TANGO6: variants seen among roughly 807,000 people sequenced by gnomAD.
TANGO6 encodes transport and Golgi organization protein 6 homolog.
TANGO6 carries 90 observed loss-of-function variants against 114.2 expected under a neutral mutation model. The observed-to-expected ratio is 0.79, with a 90% CI of 0.66 to 0.94. The LOEUF (loss-of-function observed/expected upper bound fraction) is 0.94. TANGO6 is among the 40% of genes least tolerant of loss of function. TANGO6 has a pLI of 0.00. For missense variants in TANGO6, 1,274 were observed against 1,315.3 expected (o/e 0.97, Z 0.49); for synonymous variants, 477 against 509.8 (o/e 0.94, Z 0.87).
intron 15 of TANGO6, among the ~76,000 whole-genome samples, chr16:69,006,225 GC>G (rs1358915927): frequency 6.6e-6 from 1 of 152,106 alleles, no homozygotes; most frequent in African/African-American, 2.4e-5. Context: ...TTTGAGGGGA[GC>G]AAGGATTGTG....
intron 14 of TANGO6, among the ~76,000 whole-genome samples, chr16:68,936,628 C>T (rs922123614): frequency 6.6e-6 from 1 of 152,192 alleles, no homozygotes; most frequent in Non-Finnish European, 1.5e-5. Flanking sequence ...AGCCACCGCA[C>T]CCTGCCTATA....
At chr16:69,078,576 G>A (rs1248886664) in intron 17 of TANGO6, among the ~76,000 whole-genome samples, 3 of 151,896 alleles carry the variant, frequency 2.0e-5, no homozygotes, top group Admixed American at 1.3e-4. Context: ...CCTTTACCAT[G>A]TTCTATTCTG....
At chr16:69,083,116 T>C (rs1035343497) in intron 17 of TANGO6, among the ~76,000 whole-genome samples, 30 of 137,038 alleles carry the variant, frequency 2.2e-4, no homozygotes, top group African/African-American at 6.9e-4. Context: ...TTTTTTTTTT[T>C]CTGCACCGTC....
chr16:69,065,139 C>T (rs898058329), intron 17 of TANGO6, among the ~76,000 whole-genome samples: 1 of 152,202 alleles, frequency 6.6e-6, no homozygotes, highest in Non-Finnish European at 1.5e-5. Flanking sequence ...AAGCTGCCGC[C>T]TTCCTCAGGT....
At chr16:68,855,231 TTC>T (rs1961967204) in intron 1 of TANGO6, among the ~76,000 whole-genome samples, 1 of 151,888 alleles carries the variant, frequency 6.6e-6, no homozygotes, top group South Asian at 2.1e-4. Flanking sequence ...CATAAAAAAT[TTC>T]TCAGCAAGTT....
In TANGO6 at chr16:68,862,981, G is replaced by C; in HGVS notation, c.772G>C (p.Ala258Pro). The C allele has an allele frequency of 1.3e-6, 2 of 1,599,874 alleles. No individual in the cohort carries two copies. The highest frequency in any genetic ancestry group is 1.7e-6 in the Non-Finnish European group (2 of 1,173,414). The change falls in exon 3 of 18, where the codon GCC becomes CCC. Residue 258 changes from alanine to proline, a missense_variant. Ala to Pro is a conservative substitution (Grantham distance 27, BLOSUM62 -1). Transcript: ENST00000261778. ...AGAGGAGAGAACCCTATCCAGGGGG[G>C]CCTTGAGAGACATGCTGGATCAAGT... The part of the protein sequence containing the change: ...TEEERTLSRG[A>P]LRDMLDQVYQ...
intron 14 of TANGO6, among the ~76,000 whole-genome samples, chr16:68,940,214 G>A (rs192230727): frequency 3.8e-4 from 39 of 102,472 alleles, no homozygotes; most frequent in African/African-American, 1.4e-3. Context: ...TTCTCTTTTC[G>A]TTTCTTTTTT....
At chr16:68,988,311 C>T (rs1963915485) in intron 15 of TANGO6, among the ~76,000 whole-genome samples, 1 of 152,130 alleles carries the variant, frequency 6.6e-6, no homozygotes, top group African/African-American at 2.4e-5. Flanking sequence ...CTTTTTGAAA[C>T]GCCTTCTTCT....
At chr16:68,908,855 G>C (rs1962886331) in intron 10 of TANGO6, among the ~76,000 whole-genome samples, 1 of 152,122 alleles carries the variant, frequency 6.6e-6, no homozygotes, top group African/African-American at 2.4e-5. Context: ...ATTTCTTTGT[G>C]TGTGTGTGTT....
intron 14 of TANGO6, among the ~76,000 whole-genome samples, chr16:68,935,704 T>C (rs2152199880): frequency 6.6e-6 from 1 of 152,294 alleles, no homozygotes; most frequent in Non-Finnish European, 1.5e-5. Context: ...GAACTTAATC[T>C]TACACAGACA....
At chr16:68,866,795 G>T (rs1194335074) in intron 3 of TANGO6, among the ~76,000 whole-genome samples, 1 of 152,036 alleles carries the variant, frequency 6.6e-6, no homozygotes, top group Non-Finnish European at 1.5e-5. Flanking sequence ...AAAGTACCCA[G>T]GCATAGTGGC....
At chr16:69,005,920 CCT>C (rs1031795752) in intron 15 of TANGO6, among the ~76,000 whole-genome samples, 32 of 152,198 alleles carry the variant, frequency 2.1e-4, no homozygotes, top group African/African-American at 7.7e-4. Flanking sequence ...GTTTTTCTTG[CCT>C]CTGTTAAGAA....
At position 69,038,923 on chromosome 16, in the gene TANGO6, C is replaced by T. The variant is rs372812074; in HGVS notation, c.2995-1385C>T. Among the ~76,000 whole-genome samples the T allele has an allele frequency of 2.6e-5, 4 of 152,136 alleles. No individual in the cohort carries two copies. In the South Asian group the frequency reaches 6.2e-4, roughly 24 times the overall value. ...GGTGGGCCAGGCTCAGTGGCTCACA[C>T]CTATAATCCCAGCACTTTGGGAGGC... On this transcript the variant is annotated intron_variant, in intron 16 of 17. Transcript: ENST00000261778.
chr16:69,018,866 C>A lies in TANGO6; in HGVS notation c.2843-3962C>A, dbSNP rs150250228. 4.4e-3 allele frequency among the ~76,000 whole-genome samples: 662 copies of A among 152,120 alleles called. 5 individuals carry two copies. The highest frequency in any genetic ancestry group is 0.015 in the African/African-American group (636 of 41,516). ...CGGAGCTTGCAGTGAGCCAAGATCA[C>A]GCCACTGCACTCCAGCCTGGGCGAC... On this transcript the variant is annotated intron_variant, in intron 15 of 17. Coordinates refer to ENST00000261778, the MANE Select transcript of TANGO6 (RefSeq NM_024562.2).
intron 14 of TANGO6, among the ~76,000 whole-genome samples, chr16:68,952,756 A>C (rs1963482640): frequency 6.6e-6 from 1 of 152,060 alleles, no homozygotes; most frequent in South Asian, 2.1e-4. Context: ...AGGAGGATTG[A>C]AGGTTGGGAA....
chr16:69,069,868 TC>T (rs1432190199), intron 17 of TANGO6, among the ~76,000 whole-genome samples: 1 of 151,986 alleles, frequency 6.6e-6, no homozygotes, highest in East Asian at 1.9e-4. Context: ...AAGAAAGAAT[TC>T]AGGGCGAGTC....
intron 3 of TANGO6, among the ~76,000 whole-genome samples, chr16:68,865,967 CAG>C (rs1262931685): frequency 6.6e-6 from 1 of 152,010 alleles, no homozygotes; most frequent in African/African-American, 2.4e-5. Flanking sequence ...TCACAGGAAT[CAG>C]AGTTGCTAAT....
At chr16:69,052,135 A>G (rs1483636845) in intron 17 of TANGO6, among the ~76,000 whole-genome samples, 1 of 150,444 alleles carries the variant, frequency 6.6e-6, no homozygotes, top group East Asian at 2.0e-4. Flanking sequence ...TTTTGTAGAG[A>G]TGGTGTCTCC....
At chr16:68,883,058 G>T (rs1962487154) in intron 7 of TANGO6, among the ~76,000 whole-genome samples, 2 of 152,058 alleles carry the variant, frequency 1.3e-5, no homozygotes, top group African/African-American at 2.4e-5. Context: ...TTAGCTGGAT[G>T]TGGTGGCACG....
Sources: allele counts gnomAD v4.1 joint callset (sites outside exome capture counted in the v4.1 genomes callset), GRCh38; gene constraint gnomAD v4.1.1; transcripts MANE v1.5; gene names NCBI Gene and HGNC (gene_info 2026-07-23, HGNC 2026-07-21).